The following NOD2 variants were observed in gnomAD, a reference collection of about 807,000 sequenced individuals.
The protein encoded by NOD2 is nucleotide binding oligomerization domain containing 2.
Under a neutral mutation model 90.9 loss-of-function variants are expected in NOD2, and 86 were observed. That is an observed-to-expected ratio of 0.95 (90% CI 0.79 to 1.13). NOD2 has a LOEUF of 1.13. Among genes scored for constraint, NOD2 ranks in the 50% most tolerant of loss-of-function variants. The probability of loss-of-function intolerance (pLI) is 0.00; values close to 1 mark genes in which losing one functional copy is unlikely to be tolerated. For synonymous variants in NOD2, 581 were observed against 554.6 expected, an observed-to-expected ratio of 1.05 and a Z score of -0.67; for missense variants, 1,238 against 1,283.8, an observed-to-expected ratio of 0.96 and a Z score of 0.55.
intron 1 of NOD2, chr16:50,697,223 C>T (rs1330811344): frequency 3.2e-6 from 5 of 1,551,490 alleles, no homozygotes; most frequent in Non-Finnish European, 3.5e-6. Flanking sequence ...CATGCCTGCT[C>T]CCCCAGCCTA....
chr16:50,697,262 T>C, intron 1 of NOD2: 1 of 1,558,986 alleles, frequency 6.4e-7, no homozygotes, highest in Non-Finnish European at 8.7e-7. Flanking sequence ...AGAGGGTGGT[T>C]CAGCCTCTCA....
At chr16:50,699,391 C>G (rs1963816217) in intron 1 of NOD2, 97 bp from the exon 2 acceptor site, 2 of 980,822 alleles carry the variant, frequency 2.0e-6, no homozygotes, top group Non-Finnish European at 3.3e-6. Context: ...CCATGGCCAA[C>G]TCGGGTTCTG....
At chr16:50,696,322 C>T (rs376200627) in intron 1 of NOD2, 3 of 152,280 alleles carry the variant, frequency 2.0e-5, no homozygotes, top group Non-Finnish European at 4.4e-5. Flanking sequence ...TGGGTCGCCC[C>T]TTGACCCTCT....
At chr16:50,727,523 C>T (rs8061960) in intron 10 of NOD2, 83,725 of 240,948 alleles carry the variant, frequency 0.35, 16,140 homozygotes, top group Non-Finnish European at 0.41. Context: ...ATTCATGCTT[C>T]GGGATTCAAC....
At chr16:50,731,673 G>T in intron 11 of NOD2, 74 bp from the exon 12 acceptor site, 1 of 1,033,126 alleles carries the variant, frequency 9.7e-7, no homozygotes. Context: ...GGTTTAAAAA[G>T]TGGAGGCTTT....
chr16:50,711,450 G>A lies in NOD2; in HGVS notation c.1458G>A (p.Met486Ile). The stretch of plus-strand genomic sequence containing the variant: ...GGTCCCCAAAGACCACTACAGATAT[G>A]TACCTGCTGATTCTGCAGCATTTTC... ...EGGSPKTTTD[M>I]YLLILQHFLL... The change falls in exon 4 of 12, where the codon ATG (methionine) becomes ATA (isoleucine). Residue 486 changes from methionine to isoleucine, a missense_variant. By Grantham distance (10) the Met-to-Ile change is conservative (BLOSUM62 1). Transcript: ENST00000647318. 6.2e-7 allele frequency: 1 copy of A among 1,613,496 alleles called. No homozygotes were observed. The highest frequency in any genetic ancestry group is 8.5e-7 in the Non-Finnish European group (1 of 1,180,020).
At chr16:50,701,066 A>G (rs1963919479) in intron 2 of NOD2, among the ~76,000 whole-genome samples, 1 of 152,218 alleles carries the variant, frequency 6.6e-6, no homozygotes, top group Non-Finnish European at 1.5e-5. Context: ...GGAAGTTGAG[A>G]CCAAGGAAAG....
chr16:50,712,211 T>C lies in NOD2; in HGVS notation c.2219T>C (p.Leu740Pro). 1 of 1,613,928 alleles carries C rather than the reference T, an allele frequency of 6.2e-7. No homozygotes were observed. Among genetic ancestry groups the C allele is most frequent in the African/African-American group, 1.3e-5 (1 of 75,064 alleles). ...GCACGTGGCCTGAATGTTGGGCACC[T>C]CAAGTTGACATTTTGCAGTGTGGGC... ...KAARGLNVGH[L>P]KLTFCSVGPT... Residue 740 changes from leucine (L) to proline (P), a missense_variant, in exon 4 of 12, where the codon CTC becomes CCC. Around this residue, in one of 3 missense-constraint regions of NOD2, gnomAD observed 667 missense variants for 688.7 expected, o/e 0.97. Transcript: ENST00000647318.
chr16:50,700,466 A>G (rs1365432818), intron 2 of NOD2, among the ~76,000 whole-genome samples: 1 of 152,150 alleles, frequency 6.6e-6, no homozygotes, highest in East Asian at 1.9e-4. Flanking sequence ...GTGGCCAGGA[A>G]CTCAGATTCT....
chr16:50,708,021 A>G, intron 3 of NOD2, 61 bp downstream of exon 3: 1 of 1,142,362 alleles, frequency 8.8e-7, no homozygotes, highest in Non-Finnish European at 1.3e-6. Context: ...TCCATGGTTA[A>G]GAGCAGAACA....
rs981824546 is a variant in NOD2, at chr16:50,731,917, G to A, written c.*98G>A. On this transcript the variant is annotated 3_prime_UTR_variant, in exon 12 of 12. Coordinates refer to ENST00000647318, the MANE Select transcript of NOD2 (RefSeq NM_001370466.1). ...CATGTGTTGGCAGCCTCTTCAAAAT[G>A]AGCCCTGTCCTGCCTAAGGCTGAAC... is the stretch of plus-strand genomic sequence containing the variant. The A allele has an allele frequency of 6.8e-6, 6 of 883,080 alleles. No individual in the cohort carries two copies. The highest frequency in any genetic ancestry group is 3.3e-5 in the African/African-American group (2 of 61,020). 54.7% of individuals were successfully genotyped at this position (883,080 alleles called of 1,614,324 possible). A position where few individuals can be genotyped will look rare whatever the true frequency, so the allele number is the denominator to read the frequency against.
At chr16:50,729,448 C>T (rs1190663313) in intron 10 of NOD2, among the ~76,000 whole-genome samples, 2 of 152,136 alleles carry the variant, frequency 1.3e-5, no homozygotes, top group African/African-American at 4.8e-5. Flanking sequence ...GGCACGGGTA[C>T]TCTTTTAGGC....
At chr16:50,706,865 T>G (rs1350901790) in intron 2 of NOD2, among the ~76,000 whole-genome samples, 1 of 151,780 alleles carries the variant, frequency 6.6e-6, no homozygotes, top group Admixed American at 6.6e-5. Flanking sequence ...CCTGGCTAAT[T>G]TTTTGTATTT....
chr16:50,697,738 A>C (rs997839443), intron 1 of NOD2: 1 of 315,500 alleles, frequency 3.2e-6, no homozygotes, highest in Non-Finnish European at 6.2e-6. Context: ...AAGCAGCCAG[A>C]CACACAAGTA....
At chr16:50,720,853 A>T (rs570647091) in intron 7 of NOD2, among the ~76,000 whole-genome samples, 2 of 151,856 alleles carry the variant, frequency 1.3e-5, no homozygotes, top group South Asian at 4.1e-4. Context: ...TGCCCAGGCT[A>T]GAGTGCAGTG....
In NOD2 at chr16:50,716,943, C is replaced by T. The variant is rs745733405; in HGVS notation, c.2518C>T (p.Leu840Phe). 10 of 1,614,148 alleles carry T rather than the reference C, an allele frequency of 6.2e-6. No homozygotes were observed. The highest frequency in any genetic ancestry group is 5.0e-5 in the Admixed American group (3 of 60,016). ...CTGTGCACACTCCATGGCTAAGCTC[C>T]TTGCATGCAGGCAGAACTTCTTGGC... is the stretch of plus-strand genomic sequence containing the variant. ...DGCAHSMAKL[L>F]ACRQNFLALR... Residue 840 changes from leucine (L) to phenylalanine (F), a missense_variant, in exon 6 of 12, where the codon CTT becomes TTT. Leu to Phe is a conservative substitution (Grantham distance 22, BLOSUM62 0). This residue lies in a region of NOD2 where 667 missense variants were observed against 688.7 expected (regional missense o/e 0.97). Coordinates refer to ENST00000647318, the MANE Select transcript of NOD2 (RefSeq NM_001370466.1).
chr16:50,716,720 C>T (rs1465855433), intron 5 of NOD2, 50 bp downstream of exon 5: 1 of 1,574,928 alleles, frequency 6.3e-7, no homozygotes, highest in Admixed American at 1.7e-5. Context: ...CCTGGTCTCA[C>T]CCCAGGTCGT....
chr16:50,702,955 T>C (rs1964007241), intron 2 of NOD2, among the ~76,000 whole-genome samples: 1 of 152,248 alleles, frequency 6.6e-6, no homozygotes, highest in African/African-American at 2.4e-5. Flanking sequence ...ACACCAGCTG[T>C]AATACCAGCT....
chr16:50,721,373 TTTTTG>T (rs1382372278), intron 7 of NOD2, among the ~76,000 whole-genome samples: 6 of 150,926 alleles, frequency 4.0e-5, no homozygotes, highest in African/African-American at 7.4e-5. Flanking sequence ...TTGGTTTTTT[TTTTTG>T]TTTGTTTGTT....
Sources: allele counts gnomAD v4.1 joint callset (sites outside exome capture counted in the v4.1 genomes callset), GRCh38; gene constraint gnomAD v4.1.1; regional missense constraint gnomAD v4.1.1; transcripts MANE v1.5; gene names NCBI Gene and HGNC (gene_info 2026-07-23, HGNC 2026-07-21).